CCDC141: variants seen among roughly 807,000 people sequenced by gnomAD.
CCDC141 encodes the protein coiled-coil domain-containing protein 141.
A neutral mutation model predicts 181.0 loss-of-function variants in CCDC141; 168 were observed. The ratio of observed to expected loss-of-function variants is 0.93; its 90% CI spans 0.82 to 1.05. The LOEUF is 1.05. Among genes scored for constraint, CCDC141 ranks in the 50% least tolerant of loss-of-function variants. The pLI, the probability that CCDC141 is intolerant of heterozygous loss-of-function variation, is 0.00. For missense variants in CCDC141, 1,902 were observed against 1,788.5 expected, an observed-to-expected ratio of 1.06 and a Z score of -1.14; for synonymous variants, 666 against 642.3, an observed-to-expected ratio of 1.04 and a Z score of -0.56.
At chr2:178,938,962 A>G (rs922282228) in intron 6 of CCDC141, among the ~76,000 whole-genome samples, 4 of 152,186 alleles carry the variant, frequency 2.6e-5, no homozygotes, top group African/African-American at 9.6e-5. Context: ...ATATAGAACT[A>G]TAAACATTTG....
chr2:179,011,107 G>T (rs576043892), intron 2 of CCDC141, among the ~76,000 whole-genome samples: 3 of 151,114 alleles, frequency 2.0e-5, no homozygotes, highest in Non-Finnish European at 4.4e-5. Context: ...GCAGTGAGCC[G>T]AGATCACACC....
intron 4 of CCDC141, among the ~76,000 whole-genome samples, chr2:178,969,104 CAAAAAAAAAAAAAA>C (rs55999054): frequency 5.7e-4 from 29 of 51,194 alleles, no homozygotes; most frequent in Admixed American, 1.9e-3. Flanking sequence ...GCTTACCAAC[CAAAAAAAAAAAAAA>C]AAAAAAAAAA....
At chr2:178,870,004 G>C (rs1686039011) in intron 14 of CCDC141, among the ~76,000 whole-genome samples, 1 of 152,100 alleles carries the variant, frequency 6.6e-6, no homozygotes, top group South Asian at 2.1e-4. Context: ...GGCCAAGGAG[G>C]GTGGACCACC....
At chr2:178,851,709 C>A (rs546602733) in intron 20 of CCDC141, among the ~76,000 whole-genome samples, 3 of 152,312 alleles carry the variant, frequency 2.0e-5, no homozygotes, top group African/African-American at 7.2e-5. Flanking sequence ...GCAGCCCTAG[C>A]AAACAAGCAC....
chr2:179,021,358 T>C (rs963292913), intron 2 of CCDC141, among the ~76,000 whole-genome samples: 1 of 152,192 alleles, frequency 6.6e-6, no homozygotes, highest in African/African-American at 2.4e-5. Flanking sequence ...TACCCTGTCC[T>C]ATTTGTATAG....
chr2:178,823,136 A>C, the CCDC141 span, among the ~76,000 whole-genome samples: 2 of 151,868 alleles, frequency 1.3e-5, no homozygotes, highest in East Asian at 3.9e-4. Flanking sequence ...GGGATGTTTA[A>C]TTGGTGTACG....
intron 2 of CCDC141, among the ~76,000 whole-genome samples, chr2:178,988,240 A>G: frequency 6.7e-6 from 1 of 148,950 alleles, no homozygotes; most frequent in Non-Finnish European, 1.5e-5. Flanking sequence ...AACACCGTAT[A>G]TTCTCACTCA....
At chr2:178,873,557 G>A (rs1342751065) in intron 12 of CCDC141, 2 of 152,104 alleles carry the variant, frequency 1.3e-5, no homozygotes, top group East Asian at 3.9e-4. Flanking sequence ...GCATGCCAAT[G>A]ACAACTTTAA....
In CCDC141 at chr2:178,951,437, G is replaced by A. The variant is rs2969557; in HGVS notation, c.781-6786C>T. On this transcript the variant is annotated intron_variant, in intron 5 of 23. Coordinates refer to ENST00000443758, the MANE Select transcript of CCDC141 (RefSeq NM_173648.4). The stretch of plus-strand genomic sequence containing the variant: ...TTTTGGCCTGAACCTCTGGTTGTTG[G>A]GAAAAACAATGAATCAGAAACTGTC... Among the ~76,000 whole-genome samples, 532 of 152,168 alleles carry A rather than the reference G, an allele frequency of 3.5e-3. 4 individuals carry two copies. Among genetic ancestry groups the A allele is most frequent in the African/African-American group, 0.012 (485 of 41,518 alleles).
the CCDC141 span, among the ~76,000 whole-genome samples, chr2:178,815,016 C>T: frequency 6.6e-6 from 1 of 151,532 alleles, no homozygotes; most frequent in South Asian, 2.1e-4. Flanking sequence ...CATGTGGAGA[C>T]AGGAGGAAGA....
At chr2:178,822,883 ACT>A in the CCDC141 span, among the ~76,000 whole-genome samples, 1 of 152,206 alleles carries the variant, frequency 6.6e-6, no homozygotes, top group Admixed American at 6.5e-5. Context: ...TATCAATTAT[ACT>A]CTGATTTCAA....
At chr2:178,878,509 A>C (rs937856778) in intron 11 of CCDC141, among the ~76,000 whole-genome samples, 6 of 135,516 alleles carry the variant, frequency 4.4e-5, no homozygotes, top group African/African-American at 1.7e-4. Flanking sequence ...GGTAGAGACG[A>C]GGTCTTGCTA....
chr2:179,049,866 AG>A lies in CCDC141; in HGVS notation c.75del (p.Ser26ProfsTer5), dbSNP rs759334765. 1 of 1,550,772 alleles carries A rather than the reference AG, an allele frequency of 6.4e-7. No individual in the cohort carries two copies. Among genetic ancestry groups the A allele is most frequent in the South Asian group, 1.2e-5 (1 of 84,050 alleles). The part of the protein sequence containing the change: ...TVSSVAVQAG[D>X]SKIVIAVIKC... ...TTTATGACAGCTATAACGATTTTGG[AG>A]TCCCCAGCCTGCACAGCAACTGAAC... On this transcript the variant is annotated frameshift_variant, in exon 1 of 24. Coordinates refer to ENST00000443758, the MANE Select transcript of CCDC141 (RefSeq NM_173648.4). LOFTEE classifies it high-confidence loss of function.
At chr2:178,911,403 A>T (rs1688212622) in intron 7 of CCDC141, among the ~76,000 whole-genome samples, 1 of 152,238 alleles carries the variant, frequency 6.6e-6, no homozygotes, top group Non-Finnish European at 1.5e-5. Context: ...GCCCAAGGTC[A>T]TAGAGCTAAT....
At chr2:178,987,220 G>C (rs1691795123) in intron 2 of CCDC141, among the ~76,000 whole-genome samples, 1 of 149,422 alleles carries the variant, frequency 6.7e-6, no homozygotes, top group Non-Finnish European at 1.5e-5. Flanking sequence ...AATGGGGAAA[G>C]GATTCCCTAT....
chr2:179,023,192 G>T (rs2042736516), intron 2 of CCDC141, among the ~76,000 whole-genome samples: 2 of 152,124 alleles, frequency 1.3e-5, no homozygotes, highest in Admixed American at 1.3e-4. Context: ...ATAATAAGAG[G>T]TAATCATTCA....
the CCDC141 span, among the ~76,000 whole-genome samples, chr2:178,815,760 G>C: frequency 1.3e-5 from 2 of 152,088 alleles, no homozygotes; most frequent in Non-Finnish European, 2.9e-5. Context: ...TATGTAAATA[G>C]TTATGTTGTA....
chr2:178,818,130 G>A, the CCDC141 span, among the ~76,000 whole-genome samples: 11 of 152,096 alleles, frequency 7.2e-5, no homozygotes, highest in East Asian at 1.7e-3. Flanking sequence ...CAATGTGTTC[G>A]TTTTCAGAAG....
chr2:178,854,348 C>T (rs978361169), intron 19 of CCDC141, among the ~76,000 whole-genome samples: 3 of 151,938 alleles, frequency 2.0e-5, no homozygotes, highest in Admixed American at 1.3e-4. Flanking sequence ...CACGGTGAAA[C>T]CCCATCTCTA....
Sources: allele counts gnomAD v4.1 joint callset (sites outside exome capture counted in the v4.1 genomes callset), GRCh38; gene constraint gnomAD v4.1.1; transcripts MANE v1.5; gene names NCBI Gene and HGNC (gene_info 2026-07-23, HGNC 2026-07-21).